TBX5: variants seen among roughly 807,000 people sequenced by gnomAD.
The protein encoded by TBX5 is T-box transcription factor 5.
In TBX5, 8 loss-of-function variants were observed where a neutral mutation model predicts 51.1. That is an observed-to-expected ratio of 0.16 (90% CI 0.09 to 0.28). TBX5 has a LOEUF of 0.28. Ranked by LOEUF, TBX5 falls within the 10% of genes least tolerant of loss-of-function variation. The pLI is 1.00. For missense variants in TBX5, 589 were observed against 671.7 expected (o/e 0.88, Z 1.36); for synonymous variants, 302 against 266.4 (o/e 1.13, Z -1.30).
At chr12:114,362,512 C>A (rs568865956) in intron 8 of TBX5, among the ~76,000 whole-genome samples, 343 of 152,166 alleles carry the variant, frequency 2.3e-3, no homozygotes, top group African/African-American at 7.8e-3. Flanking sequence ...TGTGTGGATA[C>A]CCTCACACCT....
chr12:114,399,249 C>T (rs1565941285), intron 4 of TBX5, among the ~76,000 whole-genome samples: 1 of 152,142 alleles, frequency 6.6e-6, no homozygotes, highest in Non-Finnish European at 1.5e-5. Flanking sequence ...TTGTAAAAAT[C>T]CACAACCTGT....
At position 114,355,692 on chromosome 12, in the gene TBX5, A is replaced by G; in HGVS notation, c.1397T>C (p.Val466Ala). Residue 466 changes from valine (V) to alanine (A), a missense_variant, in exon 9 of 9, where the codon GTG becomes GCG. Transcript: ENST00000405440. ...QHQTSVAHQP[V>A]VRQCGPQTGL... ...AGTCTGAGGCCCACACTGCCTGACCACAGGCTGGTGGGCCACGGAGGTCTG... is the reference window on the plus strand; with the variant it reads ...AGTCTGAGGCCCACACTGCCTGACCGCAGGCTGGTGGGCCACGGAGGTCTG... 6.2e-7 allele frequency: 1 copy of G among 1,614,036 alleles called. No individual in the cohort carries two copies. Among genetic ancestry groups the G allele is most frequent in the South Asian group, 1.1e-5 (1 of 91,070 alleles).
intron 5 of TBX5, among the ~76,000 whole-genome samples, chr12:114,397,051 C>A (rs1282783835): frequency 6.6e-6 from 1 of 152,194 alleles, no homozygotes; most frequent in Non-Finnish European, 1.5e-5. Flanking sequence ...CCCCTGAGAT[C>A]CTCTTCCCAT....
upstream of TBX5, chr12:114,407,258 T>G (rs1872289267): frequency 1.2e-5 from 3 of 248,058 alleles, no homozygotes; most frequent in Non-Finnish European, 1.9e-5. Flanking sequence ...ACCTTCCAGG[T>G]TTGTTTGCAA....
Position 114,398,732 on chromosome 12 carries a change from A to AG in TBX5, c.363-13dup. 1 of 1,595,106 alleles carries AG rather than the reference A, an allele frequency of 6.3e-7. No individual in the cohort carries two copies. Among genetic ancestry groups the AG allele is most frequent in the South Asian group, 1.1e-5 (1 of 87,934 alleles). On this transcript the variant is annotated splice_polypyrimidine_tract_variant and intron_variant, in intron 4 of 8. Transcript: ENST00000405440. ...TGCCCGTCACAGACCTAGATGAAGG[A>AG]GAGGTGTACTAGAGGCCTGGCTCAG...
intron 8 of TBX5, 195 bp downstream of exon 8, chr12:114,365,970 G>T (rs1869506161): frequency 8.8e-6 from 6 of 682,420 alleles, no homozygotes; most frequent in Non-Finnish European, 1.6e-5. Context: ...GCTGGAACTG[G>T]GGGTAGGAAC....
At chr12:114,362,997 G>C (rs1363199757) in intron 8 of TBX5, among the ~76,000 whole-genome samples, 2 of 152,164 alleles carry the variant, frequency 1.3e-5, no homozygotes, top group South Asian at 2.1e-4. Flanking sequence ...ATAATTACTT[G>C]TATAATGTCC....
intron 2 of TBX5, among the ~76,000 whole-genome samples, chr12:114,403,434 A>G (rs1054138189): frequency 1.3e-5 from 2 of 152,216 alleles, no homozygotes; most frequent in Non-Finnish European, 2.9e-5. Context: ...GGAATTATCT[A>G]GGCCATTGTT....
chr12:114,375,237 T>A (rs1447301253), intron 7 of TBX5, among the ~76,000 whole-genome samples: 2 of 152,222 alleles, frequency 1.3e-5, no homozygotes, highest in Non-Finnish European at 2.9e-5. Flanking sequence ...ACCAAGGGAT[T>A]ACCCAAGTGT....
intron 7 of TBX5, among the ~76,000 whole-genome samples, chr12:114,378,993 C>T (rs895648404): frequency 4.6e-5 from 7 of 152,190 alleles, no homozygotes; most frequent in African/African-American, 1.7e-4. Flanking sequence ...AGTCTGAACA[C>T]CCTGAGTCTG....
chr12:114,371,606 T>C (rs562976768), intron 7 of TBX5, among the ~76,000 whole-genome samples: 322 of 146,314 alleles, frequency 2.2e-3, no homozygotes, highest in African/African-American at 7.8e-3. Flanking sequence ...TTTTTTTTTT[T>C]CCTGGTGATC....
intron 7 of TBX5, among the ~76,000 whole-genome samples, chr12:114,374,750 A>G (rs747598059): frequency 1.6e-4 from 25 of 152,326 alleles, no homozygotes; most frequent in Middle Eastern, 6.8e-3. Context: ...CACCCTATAT[A>G]AATTCAACCT....
intron 6 of TBX5, among the ~76,000 whole-genome samples, chr12:114,394,222 A>G (rs1862911): frequency 0.98 from 148,641 of 152,320 alleles, 72,569 homozygotes; most frequent in East Asian, 1. Context: ...GGCTGAGGCA[A>G]GAGGATCTCT....
rs368472780 is a variant in TBX5, at chr12:114,356,114, G to A, written c.983-8C>T. 108 of 1,607,134 alleles carry A rather than the reference G, an allele frequency of 6.7e-5. No homozygotes were observed. The highest frequency in any genetic ancestry group is 8.5e-5 in the Non-Finnish European group (100 of 1,179,918). On this transcript the variant is annotated splice_polypyrimidine_tract_variant and splice_region_variant and intron_variant, in intron 8 of 8. Coordinates refer to ENST00000405440, the MANE Select transcript of TBX5 (RefSeq NM_181486.4). The stretch of plus-strand genomic sequence containing the variant: ...TGGTGGAACATTCTTCCTCTGTGAA[G>A]ACAGGAGAGACAGCAGTGAGGCCAG...
intron 7 of TBX5, among the ~76,000 whole-genome samples, chr12:114,378,225 T>A (rs1870302832): frequency 6.6e-6 from 1 of 152,210 alleles, no homozygotes; most frequent in Non-Finnish European, 1.5e-5. Context: ...CAGTCATTGC[T>A]CATGGTCATT....
intron 1 of TBX5, among the ~76,000 whole-genome samples, chr12:114,404,698 G>A (rs561592805): frequency 6.6e-6 from 1 of 152,120 alleles, no homozygotes; most frequent in East Asian, 1.9e-4. Flanking sequence ...AGGAAGGCTC[G>A]TCACTGGGTG....
At chr12:114,380,255 G>C (rs944937479) in intron 7 of TBX5, among the ~76,000 whole-genome samples, 1 of 152,170 alleles carries the variant, frequency 6.6e-6, no homozygotes, top group Non-Finnish European at 1.5e-5. Flanking sequence ...AAAGTCCAAA[G>C]AAAGAGTTGT....
chr12:114,369,347 G>A (rs1335515550), intron 7 of TBX5, among the ~76,000 whole-genome samples: 1 of 152,190 alleles, frequency 6.6e-6, no homozygotes, highest in African/African-American at 2.4e-5. Flanking sequence ...ACAGAAGTGG[G>A]AAAAGCAATA....
intron 1 of TBX5, among the ~76,000 whole-genome samples, chr12:114,404,685 C>A (rs1199722304): frequency 6.6e-6 from 1 of 152,106 alleles, no homozygotes; most frequent in African/African-American, 2.4e-5. Flanking sequence ...TGCAGCCGTT[C>A]CGAGGAAGGC....
Sources: allele counts gnomAD v4.1 joint callset (sites outside exome capture counted in the v4.1 genomes callset), GRCh38; gene constraint gnomAD v4.1.1; transcripts MANE v1.5; gene names NCBI Gene and HGNC (gene_info 2026-07-23, HGNC 2026-07-21).